The following USP54 variants were observed in gnomAD, a reference collection of about 807,000 sequenced individuals.
USP54 encodes ubiquitin carboxyl-terminal hydrolase 54.
Under a neutral mutation model 170.5 loss-of-function variants are expected in USP54, and 87 were observed. The ratio of observed to expected loss-of-function variants is 0.51; its 90% CI spans 0.43 to 0.61. The LOEUF (loss-of-function observed/expected upper bound fraction) is 0.61. Ranked by LOEUF, USP54 falls within the 20% of genes least tolerant of loss-of-function variation. USP54 has a pLI of 0.00. For missense variants in USP54, 1,786 were observed against 2,047.8 expected (o/e 0.87, Z 2.47); for synonymous variants, 655 against 742.8 (o/e 0.88, Z 1.92).
upstream of USP54, among the ~76,000 whole-genome samples, chr10:73,594,464 G>A (rs2078557501): frequency 6.6e-6 from 1 of 152,122 alleles, no homozygotes; most frequent in African/African-American, 2.4e-5. Context: ...GGATGCAGTG[G>A]TGTGATCACA....
chr10:73,509,105 CAAAAAAAAAA>C (rs34441562), intron 20 of USP54, among the ~76,000 whole-genome samples: 9 of 47,298 alleles, frequency 1.9e-4, no homozygotes, highest in Admixed American at 1.6e-3. Flanking sequence ...ATCATACTGG[CAAAAAAAAAA>C]AAAAAAAAAA....
At chr10:73,549,857 A>G (rs2068810513) in intron 4 of USP54, among the ~76,000 whole-genome samples, 1 of 152,204 alleles carries the variant, frequency 6.6e-6, no homozygotes, top group Non-Finnish European at 1.5e-5. Context: ...AAGGCTTCCC[A>G]TGGCATACAC....
intron 4 of USP54, among the ~76,000 whole-genome samples, chr10:73,560,450 CA>C (rs1226221670): frequency 1.4e-5 from 2 of 146,646 alleles, no homozygotes; most frequent in Admixed American, 6.8e-5. Context: ...GTCAGGAGAT[CA>C]AAGACCATCC....
At chr10:73,596,720 CAAAAA>C (rs36049099) in intron 1 of USP54, among the ~76,000 whole-genome samples, 89 of 91,856 alleles carry the variant, frequency 9.7e-4, no homozygotes, top group Non-Finnish European at 1.2e-3. Context: ...GATCCTGTCT[CAAAAA>C]AAAAAAAAAA....
At chr10:73,579,108 G>C (rs1185213953) in intron 1 of USP54, among the ~76,000 whole-genome samples, 1 of 149,468 alleles carries the variant, frequency 6.7e-6, no homozygotes, top group East Asian at 2.0e-4. Flanking sequence ...TGGCATTACA[G>C]GCATGCACCA....
At chr10:73,602,162 A>G (rs775075914) in intron 1 of USP54, among the ~76,000 whole-genome samples, 27 of 152,196 alleles carry the variant, frequency 1.8e-4, no homozygotes, top group African/African-American at 6.3e-4. Context: ...CAGTTTTACT[A>G]CCTCTAAGAA....
intron 17 of USP54, among the ~76,000 whole-genome samples, chr10:73,522,806 A>G (rs1027760215): frequency 2.6e-5 from 4 of 152,216 alleles, no homozygotes; most frequent in South Asian, 4.1e-4. Context: ...AAGTGTATAT[A>G]AAAAGAGAAA....
Position 73,534,553 on chromosome 10 carries a change from T to C in USP54, c.1315+47A>G, listed in dbSNP as rs766715739. On this transcript the variant is annotated intron_variant, in intron 12 of 23. Transcript: ENST00000687698. The stretch of plus-strand genomic sequence containing the variant: ...CAGTTTCTTTTTCTTAGGAGATCTA[T>C]GCAGGAATTGATTCAGGCAAGCAGG... 26 of 1,594,040 alleles carry C rather than the reference T, an allele frequency of 1.6e-5. 1 individual carries two copies. The South Asian group carries it at 2.3e-4, about 14-fold the overall frequency.
upstream of USP54, among the ~76,000 whole-genome samples, chr10:73,592,954 G>A (rs2078396627): frequency 6.6e-6 from 1 of 152,208 alleles, no homozygotes; most frequent in East Asian, 1.9e-4. Context: ...CTGCACAAGA[G>A]GTTCTGTGCC....
intron 4 of USP54, among the ~76,000 whole-genome samples, chr10:73,553,553 A>C (rs986678749): frequency 1.2e-4 from 19 of 152,156 alleles, no homozygotes; most frequent in Non-Finnish European, 2.6e-4. Context: ...GATCCTGTTC[A>C]CACCAAAGAA....
intron 1 of USP54, among the ~76,000 whole-genome samples, chr10:73,598,952 G>C (rs1018546372): frequency 1.3e-5 from 2 of 150,230 alleles, no homozygotes; most frequent in African/African-American, 4.9e-5. Context: ...GGTGGCGCAT[G>C]CCTGTAGTCC....
At chr10:73,530,643 G>C in intron 13 of USP54, 61 bp downstream of exon 13, 1 of 1,602,794 alleles carries the variant, frequency 6.2e-7, no homozygotes, top group South Asian at 1.1e-5. Context: ...ACAGTCTGGA[G>C]CATGACAGAA....
intron 16 of USP54, 123 bp from the exon 17 acceptor site, chr10:73,523,873 T>TTTA (rs141803742): frequency 0.097 from 19,194 of 197,568 alleles, 3,523 homozygotes; most frequent in East Asian, 0.22. Context: ...AGTTTATTTA[T>TTTA]TTATTATTTA....
intron 19 of USP54, 71 bp from the exon 20 acceptor site, chr10:73,517,818 A>G (rs916100512): frequency 6.0e-6 from 9 of 1,494,228 alleles, no homozygotes; most frequent in African/African-American, 1.4e-5. Flanking sequence ...AGAACTCAAC[A>G]TTCCATTCCC....
upstream of USP54, among the ~76,000 whole-genome samples, chr10:73,594,120 G>A (rs2078523095): frequency 6.6e-6 from 1 of 152,004 alleles, no homozygotes. Flanking sequence ...ACCCAGGCTG[G>A]AGTGCAGTGA....
At chr10:73,553,472 A>G (rs1345120981) in intron 4 of USP54, 2 of 152,222 alleles carry the variant, frequency 1.3e-5, no homozygotes, top group East Asian at 3.9e-4. Flanking sequence ...TCCCTCTCAC[A>G]TGAGCACAGG....
At chr10:73,521,153 C>A in intron 17 of USP54, 126 bp from the exon 18 acceptor site, 1 of 1,267,898 alleles carries the variant, frequency 7.9e-7, no homozygotes. Context: ...TTCCAACTGT[C>A]TATTCCTATT....
chr10:73,618,615 C>T (rs540541485), intron 1 of USP54, among the ~76,000 whole-genome samples: 1 of 149,466 alleles, frequency 6.7e-6, no homozygotes, highest in East Asian at 1.9e-4. Flanking sequence ...ATGGGGCTCA[C>T]GCCTGCAATC....
intron 9 of USP54, 106 bp downstream of exon 9, chr10:73,541,269 T>C (rs908513023): frequency 7.4e-6 from 11 of 1,493,836 alleles, no homozygotes; most frequent in Non-Finnish European, 1.0e-5. Context: ...CAAAACATTA[T>C]AATACTTGTC....
Sources: gnomAD v4.1 joint callset for allele counts (sites outside exome capture counted in the v4.1 genomes callset) on GRCh38, gnomAD v4.1.1 for gene constraint, MANE v1.5 for transcripts, NCBI Gene and HGNC (gene_info 2026-07-23, HGNC 2026-07-21) for gene names.